NUMB: variants seen among roughly 807,000 people sequenced by gnomAD.
NUMB encodes NUMB endocytic adaptor protein.
In NUMB, 29 loss-of-function variants were observed where a neutral mutation model predicts 59.7. The ratio of observed to expected loss-of-function variants is 0.49; its 90% CI spans 0.36 to 0.66. NUMB has a LOEUF of 0.66. Among genes scored for constraint, NUMB ranks in the 30% least tolerant of loss-of-function variants. The pLI, the probability that NUMB is intolerant of heterozygous loss-of-function variation, is 0.00. For missense variants in NUMB, 723 were observed against 822.0 expected (o/e 0.88, Z 1.47); for synonymous variants, 288 against 288.2 (o/e 1.00, Z 0.01).
chr14:73,278,045 C>CAAAAAAAAA (rs57146032), intron 12 of NUMB, among the ~76,000 whole-genome samples: 4 of 69,214 alleles, frequency 5.8e-5, no homozygotes, highest in Non-Finnish European at 5.1e-5. Context: ...GACTCCGTCT[C>CAAAAAAAAA]AAAAAAAAAA....
chr14:73,344,667 C>T (rs8010755), intron 4 of NUMB, among the ~76,000 whole-genome samples: 333 of 152,272 alleles, frequency 2.2e-3, no homozygotes, highest in African/African-American at 7.6e-3. Context: ...GCCCTTCCAT[C>T]TTATTTAACA....
chr14:73,337,075 T>TAC (rs1033676630), intron 4 of NUMB, among the ~76,000 whole-genome samples: 3 of 150,196 alleles, frequency 2.0e-5, no homozygotes, highest in African/African-American at 7.4e-5. Flanking sequence ...CTACAAAATA[T>TAC]ACCAAAATTA....
chr14:73,371,327 G>A (rs1012227346), intron 2 of NUMB, among the ~76,000 whole-genome samples: 7 of 152,072 alleles, frequency 4.6e-5, no homozygotes, highest in African/African-American at 1.4e-4. Flanking sequence ...ACAAGGTCAG[G>A]AGATCGAGAT....
At chr14:73,396,688 T>C (rs1896155676) in intron 2 of NUMB, among the ~76,000 whole-genome samples, 3 of 152,108 alleles carry the variant, frequency 2.0e-5, no homozygotes, top group Non-Finnish European at 2.9e-5. Context: ...TTTTGCAATA[T>C]GCAACTAAAG....
chr14:73,289,955 A>AT (rs1384231899), intron 8 of NUMB, among the ~76,000 whole-genome samples: 1 of 152,232 alleles, frequency 6.6e-6, no homozygotes, highest in Non-Finnish European at 1.5e-5. Flanking sequence ...ATCTGGGAAC[A>AT]TTTAAGTGCA....
intron 12 of NUMB, among the ~76,000 whole-genome samples, chr14:73,277,504 C>G (rs138858776): frequency 6.6e-6 from 1 of 152,278 alleles, no homozygotes; most frequent in Non-Finnish European, 1.5e-5. Context: ...GCTGCTGTGT[C>G]AGCCACACTG....
At position 73,441,702 on chromosome 14, in the gene NUMB, C is replaced by G. The variant is rs146658597; in HGVS notation, c.-233+16791G>C. ...ACCATCCTGGGCAACATAGCAAGAC[C>G]CCATCTCTACCAAAAAATTTAAAAA... On this transcript the variant is annotated intron_variant, in intron 1 of 12. Coordinates refer to ENST00000555238, the MANE Select transcript of NUMB (RefSeq NM_001005743.2). Among the ~76,000 whole-genome samples, 62 of 151,744 alleles carry G rather than the reference C, an allele frequency of 4.1e-4. 1 individual carries two copies. Among genetic ancestry groups the G allele is most frequent in the African/African-American group, 1.4e-3 (59 of 41,350 alleles).
At chr14:73,451,000 A>G (rs1378650951) in intron 1 of NUMB, among the ~76,000 whole-genome samples, 1 of 151,698 alleles carries the variant, frequency 6.6e-6, no homozygotes, top group Non-Finnish European at 1.5e-5. Context: ...AAAAATACAA[A>G]AAAGTTAGCT....
At chr14:73,425,707 G>A (rs559373136) in intron 1 of NUMB, among the ~76,000 whole-genome samples, 54 of 152,056 alleles carry the variant, frequency 3.6e-4, no homozygotes, top group African/African-American at 1.1e-3. Flanking sequence ...TCAAGGCACT[G>A]TTCTAAGAAT....
At chr14:73,395,569 C>T (rs1251971211) in intron 2 of NUMB, among the ~76,000 whole-genome samples, 2 of 151,818 alleles carry the variant, frequency 1.3e-5, no homozygotes, top group Non-Finnish European at 2.9e-5. Context: ...TGCAGTGAGC[C>T]GTGATCATAC....
chr14:73,387,549 T>C (rs1179470143), intron 2 of NUMB, among the ~76,000 whole-genome samples: 1 of 152,116 alleles, frequency 6.6e-6, no homozygotes, highest in Admixed American at 6.5e-5. Context: ...ACGTGTTTGC[T>C]TTCCCTTCTG....
At chr14:73,389,435 G>A (rs938714587) in intron 2 of NUMB, among the ~76,000 whole-genome samples, 3 of 151,848 alleles carry the variant, frequency 2.0e-5, no homozygotes, top group Non-Finnish European at 4.4e-5. Flanking sequence ...CGATTCTCCT[G>A]CCTCAGCCTC....
At chr14:73,419,356 A>C (rs954767368) in intron 1 of NUMB, among the ~76,000 whole-genome samples, 2 of 152,114 alleles carry the variant, frequency 1.3e-5, no homozygotes, top group Admixed American at 1.3e-4. Context: ...TAAAAATACA[A>C]AAAACTAGCT....
At chr14:73,409,178 T>G (rs1468656864) in intron 2 of NUMB, 1 of 152,226 alleles carries the variant, frequency 6.6e-6, no homozygotes, top group African/African-American at 2.4e-5. Flanking sequence ...TTTCAAGTGG[T>G]GGGGTCTATG....
At chr14:73,411,007 T>A (rs1036105513) in intron 1 of NUMB, among the ~76,000 whole-genome samples, 10 of 152,216 alleles carry the variant, frequency 6.6e-5, no homozygotes, top group African/African-American at 2.4e-4. Flanking sequence ...TCTTATAATA[T>A]ATGGGAGGAA....
chr14:73,400,059 A>C (rs867678934), intron 2 of NUMB, among the ~76,000 whole-genome samples: 11 of 150,086 alleles, frequency 7.3e-5, no homozygotes, highest in Non-Finnish European at 1.5e-4. Flanking sequence ...ACAAAAAAAA[A>C]CAAAAAAGTA....
intron 1 of NUMB, among the ~76,000 whole-genome samples, chr14:73,422,224 T>C (rs1208943335): frequency 6.6e-6 from 1 of 152,104 alleles, no homozygotes; most frequent in East Asian, 1.9e-4. Flanking sequence ...GTCTCATACC[T>C]TGTGGGATGT....
At chr14:73,433,353 C>T (rs956139732) in intron 1 of NUMB, among the ~76,000 whole-genome samples, 1 of 152,068 alleles carries the variant, frequency 6.6e-6, no homozygotes, top group African/African-American at 2.4e-5. Context: ...ACCCGGGAGA[C>T]GGAGGTTGCA....
At chr14:73,405,962 G>A (rs1025156187) in intron 2 of NUMB, among the ~76,000 whole-genome samples, 12 of 152,142 alleles carry the variant, frequency 7.9e-5, no homozygotes, top group African/African-American at 2.9e-4. Flanking sequence ...TGACCAATGG[G>A]TGGAACACTT....
Sources: gnomAD v4.1 joint callset for allele counts (sites outside exome capture counted in the v4.1 genomes callset) on GRCh38, gnomAD v4.1.1 for gene constraint, MANE v1.5 for transcripts, NCBI Gene and HGNC (gene_info 2026-07-23, HGNC 2026-07-21) for gene names.